The following SGCD variants were observed in gnomAD, a reference collection of about 807,000 sequenced individuals.
SGCD encodes the protein delta-sarcoglycan.
SGCD carries 18 observed loss-of-function variants against 36.6 expected under a neutral mutation model. That is an observed-to-expected ratio of 0.49 (90% CI 0.34 to 0.73). The LOEUF (loss-of-function observed/expected upper bound fraction) is 0.73. Among genes scored for constraint, SGCD ranks in the 30% least tolerant of loss-of-function variants. The pLI is 0.01. For synonymous variants in SGCD, 133 were observed against 130.6 expected (o/e 1.02, Z -0.12); for missense variants, 387 against 346.7 (o/e 1.12, Z -0.92).
At chr5:156,724,059 A>G (rs1033555459) in intron 7 of SGCD, among the ~76,000 whole-genome samples, 1 of 152,190 alleles carries the variant, frequency 6.6e-6, no homozygotes, top group African/African-American at 2.4e-5. Flanking sequence ...AAACACAGTG[A>G]CAGATTAACA....
At chr5:156,612,765 T>G (rs749434632) in intron 6 of SGCD, among the ~76,000 whole-genome samples, 3 of 152,206 alleles carry the variant, frequency 2.0e-5, no homozygotes, top group African/African-American at 7.2e-5. Flanking sequence ...CAGAGCAGCA[T>G]GTACTCTAGC....
chr5:156,215,134 T>A (rs950168046), intron 3 of SGCD, among the ~76,000 whole-genome samples: 1 of 152,102 alleles, frequency 6.6e-6, no homozygotes, highest in Non-Finnish European at 1.5e-5. Context: ...GATGCTCAAC[T>A]GTTAAATCTA....
In SGCD at chr5:156,015,606, CAT is replaced by C. The variant is rs937961456; in HGVS notation, c.-281-102271_-281-102270del. Among the ~76,000 whole-genome samples, 169 of 151,298 alleles carry C rather than the reference CAT, an allele frequency of 1.1e-3. 1 individual carries two copies. The highest frequency in any genetic ancestry group is 3.8e-3 in the African/African-American group (156 of 41,260). ...GTGCATATATACATATATATGTATG[CAT>C]GTGTGTGTGTGTATATATATGTATA... On this transcript the variant is annotated intron_variant, in intron 1 of 9. Coordinates refer to the SGCD transcript ENST00000517913.
At position 156,760,270 on chromosome 5, in the gene SGCD, C is replaced by CTGACTT. The variant is rs1757475760; in HGVS notation, c.*882_*887dup. On this transcript the variant is annotated 3_prime_UTR_variant, in exon 9 of 9. Coordinates refer to ENST00000337851, the MANE Select transcript of SGCD (RefSeq NM_000337.6). Reference sequence around the variant, plus strand: ...CTTAAAAGCTGTTCTGTTCTCACTTCTGACTTTAACCAAAAGATTTCAACC... The same window carrying CTGACTT: ...CTTAAAAGCTGTTCTGTTCTCACTTCTGACTTTGACTTTAACCAAAAGATTTCAACC... The CTGACTT allele has an allele frequency of 6.6e-6, 1 of 152,210 alleles. No individual in the cohort carries two copies. Among genetic ancestry groups the CTGACTT allele is most frequent in the Non-Finnish European group, 1.5e-5 (1 of 68,044 alleles). The allele number at this position is 152,210 out of a possible 1,614,324, so 9.4% of individuals were successfully genotyped here.
chr5:156,522,194 G>T (rs59184478), intron 4 of SGCD, among the ~76,000 whole-genome samples: 4 of 152,082 alleles, frequency 2.6e-5, no homozygotes, highest in South Asian at 4.1e-4. Flanking sequence ...GGCCTGTCAG[G>T]GGGTGGGGGG....
intron 1 of SGCD, among the ~76,000 whole-genome samples, chr5:155,963,730 T>C (rs938262769): frequency 1.3e-5 from 2 of 152,138 alleles, no homozygotes; most frequent in Non-Finnish European, 2.9e-5. Flanking sequence ...ACCCCAGTCT[T>C]CCTTATTCTC....
chr5:156,539,658 A>G (rs1007176506), intron 4 of SGCD, among the ~76,000 whole-genome samples: 1 of 152,038 alleles, frequency 6.6e-6, no homozygotes, highest in African/African-American at 2.4e-5. Flanking sequence ...CCACTTGTTG[A>G]TTGATGGGCA....
the SGCD span, among the ~76,000 whole-genome samples, chr5:155,766,384 T>G: frequency 1.3e-5 from 2 of 152,052 alleles, no homozygotes; most frequent in Admixed American, 1.3e-4. Context: ...TGGCTGTAGC[T>G]GGGGGTGTGT....
the SGCD span, among the ~76,000 whole-genome samples, chr5:155,841,570 T>G: frequency 2.0e-5 from 3 of 152,230 alleles, no homozygotes; most frequent in South Asian, 6.2e-4. Context: ...TTTGGGGGGG[T>G]TGGTGGTCTT....
intron 3 of SGCD, among the ~76,000 whole-genome samples, chr5:156,315,224 C>T (rs1052747826): frequency 6.6e-6 from 1 of 151,454 alleles, no homozygotes; most frequent in South Asian, 2.1e-4. Context: ...ACCTACCACC[C>T]CCTTGTAACC....
chr5:156,580,735 G>T (rs1470929122), intron 4 of SGCD, among the ~76,000 whole-genome samples: 1 of 152,110 alleles, frequency 6.6e-6, no homozygotes, highest in Non-Finnish European at 1.5e-5. Context: ...CTAGTGCCAT[G>T]GTTTTCAGCT....
chr5:156,174,884 A>G (rs551371590), intron 3 of SGCD, among the ~76,000 whole-genome samples: 1 of 152,368 alleles, frequency 6.6e-6, no homozygotes, highest in South Asian at 2.1e-4. Flanking sequence ...CGTAAGTTAT[A>G]CATTCTTACA....
Position 156,293,067 on chromosome 5 carries a change from G to T in SGCD, c.-43-36467G>T, listed in dbSNP as rs969016728. Among the ~76,000 whole-genome samples the T allele has an allele frequency of 6.9e-4, 103 of 150,182 alleles. 2 individuals carry two copies. Among genetic ancestry groups the T allele is most frequent in the African/African-American group, 2.4e-3 (100 of 40,922 alleles). On this transcript the variant is annotated intron_variant, in intron 3 of 9. Transcript: ENST00000517913. The stretch of plus-strand genomic sequence containing the variant: ...ATTCTGAGGGTTGCCTTTCTTTTCT[G>T]TTTTTTTTTAGAGGTGGGGTCTTTT...
At chr5:156,134,511 T>C (rs1291544198) in intron 3 of SGCD, among the ~76,000 whole-genome samples, 1 of 152,044 alleles carries the variant, frequency 6.6e-6, no homozygotes, top group East Asian at 1.9e-4. Flanking sequence ...AAATCACCTC[T>C]CTCTTGCACT....
intron 2 of SGCD, among the ~76,000 whole-genome samples, chr5:156,331,006 C>T (rs1768044534): frequency 6.6e-6 from 1 of 152,136 alleles, no homozygotes; most frequent in South Asian, 2.1e-4. Context: ...GTCTTTTGCA[C>T]ACAGTAAGCA....
the SGCD span, among the ~76,000 whole-genome samples, chr5:155,829,890 G>A: frequency 6.6e-6 from 1 of 152,168 alleles, no homozygotes; most frequent in South Asian, 2.1e-4. Flanking sequence ...CATAATTAAA[G>A]TGAATGCTTA....
chr5:156,346,267 G>T (rs543218398), intron 3 of SGCD, among the ~76,000 whole-genome samples: 1 of 152,052 alleles, frequency 6.6e-6, no homozygotes, highest in South Asian at 2.1e-4. Context: ...AAATAATTCA[G>T]TTCTTTCTAA....
At chr5:156,021,302 G>A (rs564706135) in intron 1 of SGCD, among the ~76,000 whole-genome samples, 8 of 152,096 alleles carry the variant, frequency 5.3e-5, no homozygotes, top group Non-Finnish European at 1.2e-4. Flanking sequence ...TGTATGACAG[G>A]TGCTGTGCTT....
chr5:156,350,984 G>A lies in SGCD; in HGVS notation c.192+6307G>A, dbSNP rs1769221759. Among the ~76,000 whole-genome samples the A allele has an allele frequency of 1.3e-5, 2 of 152,074 alleles. 1 individual carries two copies. The highest frequency in any genetic ancestry group is 1.3e-4 in the Admixed American group (2 of 15,260). On this transcript the variant is annotated intron_variant, in intron 3 of 8. Coordinates refer to ENST00000337851, the MANE Select transcript of SGCD (RefSeq NM_000337.6). ...TACACTTTACCTCCTCCTCCAAATT[G>A]CAATAATGATCTGGCTCTTCAACAG... is the stretch of plus-strand genomic sequence containing the variant.
Sources: allele counts gnomAD v4.1 joint callset (sites outside exome capture counted in the v4.1 genomes callset), GRCh38; gene constraint gnomAD v4.1.1; transcripts MANE v1.5; gene names NCBI Gene and HGNC (gene_info 2026-07-23, HGNC 2026-07-21).